Variants in SAMD12 observed in about 807,000 individuals in gnomAD.
SAMD12 encodes the protein sterile alpha motif domain containing 12, also known as sterile alpha motif domain-containing protein 12.
Under a neutral mutation model 15.0 loss-of-function variants are expected in SAMD12, and 9 were observed. That is an observed-to-expected ratio of 0.60 (90% confidence interval 0.36 to 1.05). SAMD12 has a LOEUF of 1.05. SAMD12 is among the 50% of genes least tolerant of loss of function. The probability of loss-of-function intolerance (pLI) is 0.01; values close to 1 mark genes in which losing one functional copy is unlikely to be tolerated. For synonymous variants in SAMD12, 86 were observed against 90.1 expected, an observed-to-expected ratio of 0.96 and a Z score of 0.25; for missense variants, 230 against 234.2, an observed-to-expected ratio of 0.98 and a Z score of 0.12.
At chr8:118,481,379 G>C (rs970984036) in intron 2 of SAMD12, among the ~76,000 whole-genome samples, 2 of 152,184 alleles carry the variant, frequency 1.3e-5, no homozygotes, top group Admixed American at 6.5e-5. Context: ...TGTTCTCAGC[G>C]TGTAGTAGGA....
At chr8:118,432,016 G>A (rs749142549) in intron 3 of SAMD12, among the ~76,000 whole-genome samples, 1 of 152,164 alleles carries the variant, frequency 6.6e-6, no homozygotes, top group Non-Finnish European at 1.5e-5. Flanking sequence ...TTCCATGGCT[G>A]TGTTGAGTCT....
intron 2 of SAMD12, among the ~76,000 whole-genome samples, chr8:118,572,850 T>C (rs933411946): frequency 4.0e-5 from 6 of 151,896 alleles, no homozygotes; most frequent in Non-Finnish European, 7.4e-5. Context: ...TCATCTTGAA[T>C]TGTAATCCCC....
At chr8:118,213,824 A>T (rs1811894258) in intron 4 of SAMD12, among the ~76,000 whole-genome samples, 1 of 152,190 alleles carries the variant, frequency 6.6e-6, no homozygotes, top group Non-Finnish European at 1.5e-5. Context: ...AGGCTTATGG[A>T]GCTCCTAAAG....
intron 4 of SAMD12, among the ~76,000 whole-genome samples, chr8:118,307,360 T>C (rs1299265562): frequency 6.6e-6 from 1 of 152,214 alleles, no homozygotes; most frequent in Non-Finnish European, 1.5e-5. Flanking sequence ...TTTAGTTGGA[T>C]GCGGTGGGGG....
chr8:118,204,883 C>T (rs1340061315), intron 4 of SAMD12, among the ~76,000 whole-genome samples: 8 of 152,176 alleles, frequency 5.3e-5, no homozygotes, highest in Non-Finnish European at 1.0e-4. Context: ...TTCCCATTAT[C>T]GTTAGTAAAC....
chr8:118,276,362 T>A, intron 4 of SAMD12, among the ~76,000 whole-genome samples: 1 of 152,240 alleles, frequency 6.6e-6, no homozygotes, highest in East Asian at 1.9e-4. Context: ...GAAAACGCAG[T>A]ACACTTCTTT....
chr8:118,510,454 C>A (rs975048606), intron 2 of SAMD12, among the ~76,000 whole-genome samples: 1 of 152,142 alleles, frequency 6.6e-6, no homozygotes, highest in Non-Finnish European at 1.5e-5. Flanking sequence ...ATAGAGGTTT[C>A]TTTTGTAATG....
At chr8:118,167,562 G>A in the SAMD12 span, among the ~76,000 whole-genome samples, 2 of 152,148 alleles carry the variant, frequency 1.3e-5, no homozygotes, top group Non-Finnish European at 2.9e-5. Context: ...AGTTAGAAGA[G>A]GAAAATGCTA....
intron 4 of SAMD12, among the ~76,000 whole-genome samples, chr8:118,203,745 C>G (rs1323708133): frequency 7.6e-6 from 1 of 130,732 alleles, no homozygotes; most frequent in African/African-American, 2.8e-5. Flanking sequence ...CCCCACCCCA[C>G]GACAGGCCCC....
At chr8:118,282,803 T>C (rs547731720) in intron 4 of SAMD12, among the ~76,000 whole-genome samples, 1 of 152,292 alleles carries the variant, frequency 6.6e-6, no homozygotes, top group Non-Finnish European at 1.5e-5. Context: ...TGCAATCTTT[T>C]CATTTTAATT....
intron 3 of SAMD12, 103 bp from the exon 4 acceptor site, chr8:118,379,803 C>A: frequency 7.1e-7 from 1 of 1,402,238 alleles, no homozygotes; most frequent in Admixed American, 2.4e-5. Context: ...AAGTTTCTAC[C>A]TAAACACAGA....
chr8:118,231,338 T>C (rs1391787273), intron 4 of SAMD12, among the ~76,000 whole-genome samples: 2 of 152,174 alleles, frequency 1.3e-5, no homozygotes, highest in Admixed American at 1.3e-4. Context: ...GACAGATCAC[T>C]TGGCAAGCAT....
At chr8:118,175,494 G>C in the SAMD12 span, among the ~76,000 whole-genome samples, 2 of 152,124 alleles carry the variant, frequency 1.3e-5, no homozygotes, top group African/African-American at 2.4e-5. Flanking sequence ...TTGACAAGTG[G>C]GAGCTTATTA....
chr8:118,249,126 T>C (rs1812763057), intron 4 of SAMD12, among the ~76,000 whole-genome samples: 1 of 152,164 alleles, frequency 6.6e-6, no homozygotes, highest in Non-Finnish European at 1.5e-5. Flanking sequence ...AATGCTTACA[T>C]ATCACTTCAT....
intron 2 of SAMD12, among the ~76,000 whole-genome samples, chr8:118,474,693 CA>C (rs35292339): frequency 0.39 from 58,932 of 151,986 alleles, 13,570 homozygotes; most frequent in South Asian, 0.49. Context: ...AGCTTTAAAA[CA>C]ATGTTTTAAA....
chr8:118,139,987 A>T, the SAMD12 span, among the ~76,000 whole-genome samples: 54 of 152,286 alleles, frequency 3.5e-4, no homozygotes, highest in African/African-American at 1.3e-3. Context: ...TTCCTCTGCC[A>T]TCTTCCCAGC....
intron 2 of SAMD12, among the ~76,000 whole-genome samples, chr8:118,541,254 AAAGAG>A (rs1221698837): frequency 1.3e-5 from 2 of 152,224 alleles, no homozygotes; most frequent in Non-Finnish European, 2.9e-5. Flanking sequence ...TACAAGAATG[AAAGAG>A]AAGAGCAGAG....
intron 2 of SAMD12, among the ~76,000 whole-genome samples, chr8:118,497,551 C>T (rs970806888): frequency 2.0e-5 from 3 of 151,976 alleles, no homozygotes; most frequent in Non-Finnish European, 4.4e-5. Context: ...GAATAATAGA[C>T]ACCAGGGCCG....
chr8:118,138,991 A>G, the SAMD12 span, among the ~76,000 whole-genome samples: 13 of 152,224 alleles, frequency 8.5e-5, no homozygotes, highest in Non-Finnish European at 1.6e-4. Context: ...TGGACTCTAA[A>G]TTGTATCGAA....
Sources: allele counts gnomAD v4.1 joint callset (sites outside exome capture counted in the v4.1 genomes callset), GRCh38; gene constraint gnomAD v4.1.1; transcripts MANE v1.5; gene names NCBI Gene and HGNC (gene_info 2026-07-23, HGNC 2026-07-21).